Variants in CCSER1 observed in about 807,000 individuals in gnomAD.
The protein encoded by CCSER1 is serine-rich coiled-coil domain-containing protein 1.
In CCSER1, 41 loss-of-function variants were observed where a neutral mutation model predicts 82.0. The ratio of observed to expected loss-of-function variants is 0.50; its 90% CI spans 0.39 to 0.65. The LOEUF is 0.65. Among genes scored for constraint, CCSER1 ranks in the 30% least tolerant of loss-of-function variants. The pLI, the probability that CCSER1 is intolerant of heterozygous loss-of-function variation, is 0.00. For synonymous variants in CCSER1, 414 were observed against 383.9 expected, an observed-to-expected ratio of 1.08 and a Z score of -0.92; for missense variants, 1,119 against 1,064.2, an observed-to-expected ratio of 1.05 and a Z score of -0.72.
intron 3 of CCSER1, among the ~76,000 whole-genome samples, chr4:90,353,922 C>T (rs753424709): frequency 3.9e-5 from 6 of 152,144 alleles, no homozygotes; most frequent in Non-Finnish European, 8.8e-5. Flanking sequence ...CCAGTAATCC[C>T]TACTTCTGAC....
Position 90,226,490 on chromosome 4 carries a change from C to G in CCSER1, c.-41-81754C>G, listed in dbSNP as rs555191382. ...AGGGATATGGGGTGTTAAAATTAGA[C>G]AAGTGAAGATGCAGTTGGTATAAGA... is the stretch of plus-strand genomic sequence containing the variant. On this transcript the variant is annotated intron_variant, in intron 1 of 10. Coordinates refer to ENST00000509176, the MANE Select transcript of CCSER1 (RefSeq NM_001145065.2). Among the ~76,000 whole-genome samples, 155 of 152,276 alleles carry G rather than the reference C, an allele frequency of 1.0e-3. 2 individuals are homozygous for G. The highest frequency in any genetic ancestry group is 9.3e-3 in the South Asian group (45 of 4,826).
At chr4:91,022,479 T>C (rs1205763135) in intron 9 of CCSER1, among the ~76,000 whole-genome samples, 1 of 152,166 alleles carries the variant, frequency 6.6e-6, no homozygotes, top group Non-Finnish European at 1.5e-5. Flanking sequence ...TACATGTGCA[T>C]GTGTCTTTAT....
At chr4:91,345,192 G>A (rs1747971336) in intron 10 of CCSER1, among the ~76,000 whole-genome samples, 1 of 152,148 alleles carries the variant, frequency 6.6e-6, no homozygotes, top group Admixed American at 6.6e-5. Context: ...AGGAGTTCAA[G>A]ACTGGCCTGG....
At position 90,841,549 on chromosome 4, in the gene CCSER1, G is replaced by A. The variant is rs1762571351; in HGVS notation, c.2094+25704G>A. On this transcript the variant is annotated intron_variant, in intron 8 of 10. Transcript: ENST00000509176. ...GCCGAGATCGCTCCACTGTATTCCA[G>A]CCTGGGCGACAGACCGAGACTCTGT... is the stretch of plus-strand genomic sequence containing the variant. Among the ~76,000 whole-genome samples, 3 of 140,540 alleles carry A rather than the reference G, an allele frequency of 2.1e-5. No homozygotes were observed. In the South Asian group the frequency reaches 6.8e-4, roughly 32 times the overall value. The allele number at this position is 140,540 out of a possible 152,430, so 92.2% of individuals were successfully genotyped here.
chr4:90,146,148 T>C (rs1725769859), intron 1 of CCSER1, among the ~76,000 whole-genome samples: 1 of 152,096 alleles, frequency 6.6e-6, no homozygotes, highest in South Asian at 2.1e-4. Context: ...TACTGCTCTT[T>C]TGATGTGTGA....
At chr4:90,911,119 T>C (rs1028390528) in intron 8 of CCSER1, 19 of 358,576 alleles carry the variant, frequency 5.3e-5, no homozygotes, top group African/African-American at 4.1e-4. Flanking sequence ...TGTGTTCTTA[T>C]TTAATTCCAA....
At chr4:91,474,890 G>GTTA (rs1757501370) in intron 10 of CCSER1, among the ~76,000 whole-genome samples, 1 of 150,922 alleles carries the variant, frequency 6.6e-6, no homozygotes, top group African/African-American at 2.4e-5. Context: ...ACATGACTCA[G>GTTA]TGTAAAACTG....
chr4:90,971,114 C>G (rs1735063846), intron 9 of CCSER1, among the ~76,000 whole-genome samples: 1 of 151,770 alleles, frequency 6.6e-6, no homozygotes, highest in Admixed American at 6.6e-5. Flanking sequence ...AAAAGATCAA[C>G]AAAATGGTAT....
chr4:90,606,977 C>T (rs1784810206), intron 5 of CCSER1, among the ~76,000 whole-genome samples: 1 of 152,084 alleles, frequency 6.6e-6, no homozygotes, highest in South Asian at 2.1e-4. Context: ...TCATAAGTTC[C>T]CTATTTATAT....
chr4:90,953,777 A>C (rs1733155285), intron 9 of CCSER1, among the ~76,000 whole-genome samples: 1 of 151,970 alleles, frequency 6.6e-6, no homozygotes, highest in African/African-American at 2.4e-5. Flanking sequence ...GAATAATTTC[A>C]TCCATAGTAT....
At chr4:90,978,580 C>G (rs1735818130) in intron 9 of CCSER1, among the ~76,000 whole-genome samples, 1 of 150,670 alleles carries the variant, frequency 6.6e-6, no homozygotes, top group African/African-American at 2.5e-5. Context: ...CATAGCTTCT[C>G]AATATGAAAA....
chr4:90,246,209 T>G (rs1398318711), intron 1 of CCSER1, among the ~76,000 whole-genome samples: 1 of 151,938 alleles, frequency 6.6e-6, no homozygotes, highest in Non-Finnish European at 1.5e-5. Context: ...ATAATGTGTA[T>G]GTGTGTGTGT....
rs201354908 is a variant in CCSER1 at position 90,611,059 on chromosome 4, C to CTTTTTTTTTTTTTTTTTTTTTTTT, written c.1725-16946_1725-16945insTTTTTTTTTTTTTTTTTTTTTTTT. Among the ~76,000 whole-genome samples, 26 of 93,816 alleles carry CTTTTTTTTTTTTTTTTTTTTTTTT rather than the reference C, an allele frequency of 2.8e-4. 1 individual carries two copies. The highest frequency in any genetic ancestry group is 6.5e-4 in the East Asian group (2 of 3,084). The allele number at this position is 93,816 out of a possible 152,430, so 61.5% of individuals were successfully genotyped here. A position where few individuals can be genotyped will look rare whatever the true frequency, so the allele number is the denominator to read the frequency against. On this transcript the variant is annotated intron_variant, in intron 5 of 10. Coordinates refer to ENST00000509176, the MANE Select transcript of CCSER1 (RefSeq NM_001145065.2). Reference sequence around the variant, plus strand: ...TGCCTGGCTAATTTTCTTTTCTTTTCTTTTTTTTTTTTTTTTTTTTGTAGA... The same window carrying CTTTTTTTTTTTTTTTTTTTTTTTT: ...TGCCTGGCTAATTTTCTTTTCTTTTCTTTTTTTTTTTTTTTTTTTTTTTTTTTTTTTTTTTTTTTTTTTTGTAGA...
intron 5 of CCSER1, among the ~76,000 whole-genome samples, chr4:90,488,159 C>A (rs1767413942): frequency 6.6e-6 from 1 of 151,968 alleles, no homozygotes; most frequent in Admixed American, 6.6e-5. Flanking sequence ...TTGTTTAAGT[C>A]CTCTCTATTT....
intron 5 of CCSER1, among the ~76,000 whole-genome samples, chr4:90,522,356 C>T (rs1028409692): frequency 2.0e-5 from 3 of 152,134 alleles, no homozygotes; most frequent in African/African-American, 7.2e-5. Context: ...TTATGTGTCA[C>T]AGCTTTAGGT....
intron 6 of CCSER1, among the ~76,000 whole-genome samples, chr4:90,674,853 G>C (rs930891175): frequency 1.3e-5 from 2 of 151,732 alleles, no homozygotes; most frequent in African/African-American, 4.8e-5. Flanking sequence ...GAGTTCATTG[G>C]TGATTTCACC....
At chr4:91,278,748 A>C (rs879065994) in intron 10 of CCSER1, among the ~76,000 whole-genome samples, 1 of 151,270 alleles carries the variant, frequency 6.6e-6, no homozygotes, top group Admixed American at 6.6e-5. Context: ...TCATTTCTCT[A>C]TCCTTATTTA....
intron 10 of CCSER1, among the ~76,000 whole-genome samples, chr4:91,566,606 C>A (rs540870422): frequency 1.3e-5 from 2 of 152,028 alleles, no homozygotes; most frequent in South Asian, 4.1e-4. Context: ...TTCTTCCTGA[C>A]TCAGTCTTGA....
chr4:91,269,832 T>A (rs1236282552), intron 10 of CCSER1, among the ~76,000 whole-genome samples: 1 of 152,174 alleles, frequency 6.6e-6, no homozygotes, highest in Non-Finnish European at 1.5e-5. Context: ...CATACCCCTT[T>A]AGATTCCAAT....
Sources: allele counts gnomAD v4.1 joint callset (sites outside exome capture counted in the v4.1 genomes callset), GRCh38; gene constraint gnomAD v4.1.1; transcripts MANE v1.5; gene names NCBI Gene and HGNC (gene_info 2026-07-23, HGNC 2026-07-21).